The following ATG4C variants were observed in gnomAD, a reference collection of about 807,000 sequenced individuals.
ATG4C encodes the protein autophagy related 4C cysteine peptidase.
In ATG4C, 56 loss-of-function variants were observed where a neutral mutation model predicts 57.6. That is an observed-to-expected ratio of 0.97 (90% CI 0.78 to 1.21). The LOEUF is 1.21. Ranked by LOEUF, ATG4C falls within the 50% of genes most tolerant of loss-of-function variation. The pLI, the probability that ATG4C is intolerant of heterozygous loss-of-function variation, is 0.00. For missense variants in ATG4C, 595 were observed against 529.8 expected, an observed-to-expected ratio of 1.12 and a Z score of -1.21; for synonymous variants, 157 against 174.1, an observed-to-expected ratio of 0.90 and a Z score of 0.78.
intron 1 of ATG4C, among the ~76,000 whole-genome samples, chr1:62,799,757 G>T (rs976534767): frequency 1.4e-4 from 22 of 151,936 alleles, no homozygotes; most frequent in African/African-American, 5.3e-4. Flanking sequence ...TATATCCTTT[G>T]TATTACAAAC....
chr1:62,843,484 A>C (rs1666233440), intron 10 of ATG4C, among the ~76,000 whole-genome samples: 1 of 152,156 alleles, frequency 6.6e-6, no homozygotes, highest in Admixed American at 6.5e-5. Context: ...TGAATTTGGC[A>C]GTTTTAGTTC....
intron 1 of ATG4C, among the ~76,000 whole-genome samples, chr1:62,799,328 A>G (rs976588638): frequency 2.0e-5 from 3 of 152,250 alleles, no homozygotes; most frequent in Admixed American, 6.5e-5. Flanking sequence ...TTAAACTAGC[A>G]ACAACTCATC....
intron 1 of ATG4C, among the ~76,000 whole-genome samples, chr1:62,793,622 C>CA (rs1050768626): frequency 7.8e-6 from 1 of 128,668 alleles, no homozygotes; most frequent in Non-Finnish European, 1.7e-5. Context: ...AAAAAAAAAC[C>CA]AAAAAAACAA....
chr1:62,791,774 T>C (rs767312953), intron 1 of ATG4C, among the ~76,000 whole-genome samples: 3 of 152,218 alleles, frequency 2.0e-5, no homozygotes, highest in Non-Finnish European at 2.9e-5. Flanking sequence ...TATTTACTTA[T>C]TACATACCTC....
Position 62,865,170 on chromosome 1 carries a change from G to A in ATG4C, c.*1011G>A, listed in dbSNP as rs1666965877. The A allele has an allele frequency of 6.6e-6, 1 of 151,976 alleles. No individual in the cohort carries two copies. The highest frequency in any genetic ancestry group is 6.6e-5 in the Admixed American group (1 of 15,262). 9.4% of individuals were successfully genotyped at this position (151,976 alleles called of 1,614,324 possible). On this transcript the variant is annotated 3_prime_UTR_variant, in exon 11 of 11. Coordinates refer to ENST00000317868, the MANE Select transcript of ATG4C (RefSeq NM_032852.4). ...GAGAAGATAAAATGCTTTTGTTTTG[G>A]TTTTAATGTTGGGATTATTTTAATC...
At position 62,829,027 on chromosome 1, in the gene ATG4C, A is replaced by G. The variant is rs1665755899; in HGVS notation, c.797-13A>G. ...ATATAAAATTTAATACATATTCATT[A>G]TGTTTTTCTCAGTTTACAATTCTGA... On this transcript the variant is annotated splice_polypyrimidine_tract_variant and intron_variant, in intron 6 of 10. Transcript: ENST00000317868. The G allele has an allele frequency of 1.3e-6, 2 of 1,592,158 alleles. No homozygotes were observed. The highest frequency in any genetic ancestry group is 1.7e-6 in the Non-Finnish European group (2 of 1,171,208).
chr1:62,819,128 C>T lies in ATG4C; in HGVS notation c.518C>T (p.Thr173Ile). 6.2e-7 allele frequency: 1 copy of T among 1,613,208 alleles called. No homozygotes were observed. Among genetic ancestry groups the T allele is most frequent in the Non-Finnish European group, 8.5e-7 (1 of 1,179,560 alleles). Residue 173 changes from threonine to isoleucine, a missense_variant, in exon 5 of 11, where the codon ACC becomes ATC. By Grantham distance (89) the Thr-to-Ile change is moderately conservative. Coordinates refer to ENST00000317868, the MANE Select transcript of ATG4C (RefSeq NM_032852.4). ...CTTTCAGGGGAAAGAGAATTCAAAA[C>T]CCCAACAATTTCTCTGAAGGAAACA... ...ASLSGEREFK[T>I]PTISLKETIG...
At chr1:62,842,245 C>A (rs1344886358) in intron 10 of ATG4C, among the ~76,000 whole-genome samples, 1 of 151,096 alleles carries the variant, frequency 6.6e-6, no homozygotes, top group Non-Finnish European at 1.5e-5. Flanking sequence ...TTATTTGTAC[C>A]AGTAGTTAGG....
chr1:62,864,700 T>A lies in ATG4C; in HGVS notation c.*541T>A, dbSNP rs1666954883. ...ATATAAGCAGAATTATGAGTTAAAGTAATACTTAGCAATATGATTTTATAA... is the reference window on the plus strand; with the variant it reads ...ATATAAGCAGAATTATGAGTTAAAGAAATACTTAGCAATATGATTTTATAA... On this transcript the variant is annotated 3_prime_UTR_variant, in exon 11 of 11. Transcript: ENST00000317868. The A allele has an allele frequency of 6.6e-6, 1 of 152,156 alleles. No homozygotes were observed. The highest frequency in any genetic ancestry group is 2.1e-4 in the South Asian group (1 of 4,834). 9.4% of individuals were successfully genotyped at this position (152,156 alleles called of 1,614,324 possible).
chr1:62,789,209 G>A (rs1048450442), intron 1 of ATG4C, among the ~76,000 whole-genome samples: 1 of 152,046 alleles, frequency 6.6e-6, no homozygotes, highest in Non-Finnish European at 1.5e-5. Context: ...CTAAATAAGA[G>A]CTTTCTCTTT....
intron 10 of ATG4C, among the ~76,000 whole-genome samples, chr1:62,859,913 A>T (rs924425037): frequency 6.6e-6 from 1 of 152,008 alleles, no homozygotes; most frequent in African/African-American, 2.4e-5. Flanking sequence ...GTAACTTTTT[A>T]ACTTTATAAA....
In ATG4C at chr1:62,864,670, C is replaced by T. The variant is rs1256707394; in HGVS notation, c.*511C>T. On this transcript the variant is annotated 3_prime_UTR_variant, in exon 11 of 11. Coordinates refer to ENST00000317868, the MANE Select transcript of ATG4C (RefSeq NM_032852.4). ...GTATTTGTTAACTGTGATATGCATA[C>T]ACTTATATAAGCAGAATTATGAGTT... 6.5e-6 allele frequency: 1 copy of T among 152,680 alleles called. No homozygotes were observed. The highest frequency in any genetic ancestry group is 1.9e-4 in the East Asian group (1 of 5,208). 9.5% of individuals were successfully genotyped at this position (152,680 alleles called of 1,614,324 possible).
At chr1:62,792,355 T>C (rs1403895110) in intron 1 of ATG4C, among the ~76,000 whole-genome samples, 1 of 152,164 alleles carries the variant, frequency 6.6e-6, no homozygotes, top group Admixed American at 6.5e-5. Flanking sequence ...TTACCACTCA[T>C]AGACAGTCTT....
intron 10 of ATG4C, among the ~76,000 whole-genome samples, chr1:62,858,996 T>G (rs1335576005): frequency 6.6e-6 from 1 of 152,212 alleles, no homozygotes; most frequent in Non-Finnish European, 1.5e-5. Context: ...TGTTGTTAGG[T>G]GATTTCATTG....
intron 6 of ATG4C, among the ~76,000 whole-genome samples, chr1:62,822,642 G>T (rs970764175): frequency 6.6e-6 from 1 of 152,162 alleles, no homozygotes; most frequent in South Asian, 2.1e-4. Context: ...GGGAGAACTT[G>T]TATTTGTATA....
intron 9 of ATG4C, among the ~76,000 whole-genome samples, chr1:62,839,801 T>A (rs954264379): frequency 5.3e-5 from 8 of 152,230 alleles, no homozygotes; most frequent in African/African-American, 1.4e-4. Context: ...TAAAGTAAGT[T>A]AGCTAAGCAT....
At chr1:62,850,905 TACACATACAC>T (rs1480750258) in intron 10 of ATG4C, among the ~76,000 whole-genome samples, 8 of 45,512 alleles carry the variant, frequency 1.8e-4, no homozygotes, top group African/African-American at 4.2e-4. Flanking sequence ...TATATATACA[TACACATACAC>T]ACACATTCTG....
At chr1:62,849,079 G>A (rs1161014137) in intron 10 of ATG4C, among the ~76,000 whole-genome samples, 3 of 152,090 alleles carry the variant, frequency 2.0e-5, no homozygotes, top group Admixed American at 2.0e-4. Context: ...GTTTCTTGGT[G>A]AATGGCATGC....
intron 6 of ATG4C, among the ~76,000 whole-genome samples, chr1:62,828,245 A>G (rs1351907742): frequency 2.0e-5 from 3 of 152,080 alleles, no homozygotes; most frequent in Non-Finnish European, 2.9e-5. Flanking sequence ...ACAAATGGTT[A>G]AACTAATCTA....
Sources: gnomAD v4.1 joint callset for allele counts (sites outside exome capture counted in the v4.1 genomes callset) on GRCh38, gnomAD v4.1.1 for gene constraint, MANE v1.5 for transcripts, NCBI Gene and HGNC (gene_info 2026-07-23, HGNC 2026-07-21) for gene names.